RRM1: variants seen among roughly 807,000 people sequenced by gnomAD.
RRM1 encodes ribonucleoside-diphosphate reductase large subunit.
Under a neutral mutation model 101.5 loss-of-function variants are expected in RRM1, and 19 were observed. The ratio of observed to expected loss-of-function variants is 0.19; its 90% CI spans 0.13 to 0.27. RRM1 has a LOEUF of 0.27. Ranked by LOEUF, RRM1 falls within the 10% of genes least tolerant of loss-of-function variation. The pLI is 1.00. For synonymous variants in RRM1, 298 were observed against 323.4 expected, an observed-to-expected ratio of 0.92 and a Z score of 0.84; for missense variants, 500 against 962.9, an observed-to-expected ratio of 0.52 and a Z score of 6.36.
At position 4,130,086 on chromosome 11, in the gene RRM1, A is replaced by ATATT. The variant is rs1202870487; in HGVS notation, c.1769+937_1769+938insATTT. 2.6e-4 allele frequency among the ~76,000 whole-genome samples: 26 copies of ATATT among 99,448 alleles called. 1 individual carries two copies. Among genetic ancestry groups the ATATT allele is most frequent in the African/African-American group, 1.4e-3 (26 of 18,646 alleles). The allele number at this position is 99,448 out of a possible 152,430, so 65.2% of individuals were successfully genotyped here. ...TGTATTTATATATATATATATATATATTTTTTTTTTTTTTTTTTCCCCTCA... is the reference window on the plus strand; with the variant it reads ...TGTATTTATATATATATATATATATATATTTTTTTTTTTTTTTTTTTTCCCCTCA... On this transcript the variant is annotated intron_variant, in intron 15 of 18. Coordinates refer to ENST00000300738, the MANE Select transcript of RRM1 (RefSeq NM_001033.5).
chr11:4,100,477 A>G (rs1458022311), intron 1 of RRM1, among the ~76,000 whole-genome samples: 2 of 152,212 alleles, frequency 1.3e-5, no homozygotes, highest in African/African-American at 4.8e-5. Flanking sequence ...TGGTCCAAGG[A>G]ACATTTTCTT....
intron 10 of RRM1, 56 bp from the exon 11 acceptor site, chr11:4,122,085 G>A: frequency 7.6e-7 from 1 of 1,317,944 alleles, no homozygotes; most frequent in Non-Finnish European, 1.1e-6. Context: ...GTTTCTAATG[G>A]ATTATGGTTG....
Position 4,111,665 on chromosome 11 carries a change from T to C in RRM1, c.487+25T>C, listed in dbSNP as rs775832822. On this transcript the variant is annotated intron_variant, in intron 6 of 18. Transcript: ENST00000300738. ...GGTGAGAAATGAACATGTTTGTCTG[T>C]TACATTTTCTACTCATTATATTGAA... 1.9e-6 allele frequency: 3 copies of C among 1,569,522 alleles called. No individual in the cohort carries two copies. The South Asian group carries it at 3.4e-5, about 18-fold the overall frequency.
chr11:4,098,215 G>A (rs2094546232), intron 1 of RRM1, among the ~76,000 whole-genome samples: 1 of 152,172 alleles, frequency 6.6e-6, no homozygotes, highest in Non-Finnish European at 1.5e-5. Flanking sequence ...TAATGTCTTT[G>A]AAAGCATCCA....
intron 10 of RRM1, 122 bp from the exon 11 acceptor site, chr11:4,122,019 T>C: frequency 1.2e-6 from 1 of 804,092 alleles, no homozygotes; most frequent in Non-Finnish European, 2.0e-6. Flanking sequence ...CTGAAAATGA[T>C]TATTTCTACA....
Position 4,094,925 on chromosome 11 carries a change from T to G in RRM1, c.-88T>G. The G allele has an allele frequency of 7.1e-7, 1 of 1,417,454 alleles. No individual in the cohort carries two copies. The highest frequency in any genetic ancestry group is 1.2e-5 in the South Asian group (1 of 81,472). 87.8% of individuals were successfully genotyped at this position (1,417,454 alleles called of 1,614,324 possible). On this transcript the variant is annotated 5_prime_UTR_variant, in exon 1 of 19. Transcript: ENST00000300738. The stretch of plus-strand genomic sequence containing the variant: ...CTGAGCAGCGCCTGGAACCTAACCC[T>G]TCCCACTCTGTCACCTTCTCGATCC...
In RRM1 at chr11:4,103,781, A is replaced by ATTT. The variant is rs36062278; in HGVS notation, c.108+1717_108+1719dup. Among the ~76,000 whole-genome samples the ATTT allele has an allele frequency of 2.8e-4, 32 of 115,246 alleles. 2 individuals carry two copies. Among genetic ancestry groups the ATTT allele is most frequent in the Admixed American group, 5.6e-4 (6 of 10,680 alleles). The allele number at this position is 115,246 out of a possible 152,430, so 75.6% of individuals were successfully genotyped here. ...GATTACAGGCATGTGCCACCACGCT[A>ATTT]TTTTTTTTTTTTTTTTTTTGTATTT... On this transcript the variant is annotated intron_variant, in intron 2 of 18. Transcript: ENST00000300738.
chr11:4,103,827 C>G (rs1487134404), intron 2 of RRM1, among the ~76,000 whole-genome samples: 2 of 120,044 alleles, frequency 1.7e-5, no homozygotes, highest in Admixed American at 1.0e-4. Flanking sequence ...CAGGGTTTTG[C>G]TATGTTGGCC....
chr11:4,129,607 A>G (rs1188408387), intron 15 of RRM1, among the ~76,000 whole-genome samples: 1 of 39,370 alleles, frequency 2.5e-5, no homozygotes, highest in Admixed American at 2.3e-4. Flanking sequence ...TGTTTAGACT[A>G]TATGAAAAAA....
rs1390039194 is a variant in RRM1, at chr11:4,135,147, A to G, written c.2067A>G (p.Lys689=). The G allele has an allele frequency of 6.2e-7, 1 of 1,613,786 alleles. No homozygotes were observed. The highest frequency in any genetic ancestry group is 1.3e-5 in the African/African-American group (1 of 75,042). Residue 689 remains lysine (K), a synonymous_variant, in exon 18 of 19, where the codon AAA becomes AAG. Transcript: ENST00000300738. ...LYKTVWEISQ[K]TVLKMAAERG... ...AAACTGTGTGGGAAATCTCTCAGAA[A>G]ACTGTTCTCAAGATGGCAGCTGAGA...
intron 1 of RRM1, among the ~76,000 whole-genome samples, chr11:4,096,103 G>C (rs535939882): frequency 6.6e-6 from 1 of 152,304 alleles, no homozygotes; most frequent in South Asian, 2.1e-4. Flanking sequence ...ATAGCTTACT[G>C]TAACCTTGAA....
At chr11:4,107,327 T>C (rs1348631870) in intron 3 of RRM1, 108 bp from the exon 4 acceptor site, 99 of 727,130 alleles carry the variant, frequency 1.4e-4, no homozygotes, top group Non-Finnish European at 1.6e-4. Flanking sequence ...TTGAGGTGGG[T>C]TGAGATGACA....
intron 18 of RRM1, 62 bp downstream of exon 18, chr11:4,135,332 ATTTTATG>A (rs2094607572): frequency 7.5e-7 from 1 of 1,333,834 alleles, no homozygotes; most frequent in African/African-American, 1.5e-5. Context: ...CATTGGAATG[ATTTTATG>A]TTTTAGCCAC....
In RRM1 at chr11:4,123,292, T is replaced by G; in HGVS notation, c.1228T>G (p.Ser410Ala). Reference protein sequence around the residue: ...TGTPYMLYKDSCNRKSNQQNL... With the variant: ...TGTPYMLYKDACNRKSNQQNL... ...CACCCCGTATATGCTCTACAAAGAT[T>G]CCTGTAATCGAAAGAGCAACCAGCA... The change falls in exon 12 of 19, where the codon TCC becomes GCC. Residue 410 changes from serine to alanine, a missense_variant. Transcript: ENST00000300738. The G allele has an allele frequency of 6.2e-7, 1 of 1,614,050 alleles. No individual in the cohort carries two copies. The highest frequency in any genetic ancestry group is 8.5e-7 in the Non-Finnish European group (1 of 1,179,964).
chr11:4,121,499 A>T, intron 9 of RRM1, 105 bp from the exon 10 acceptor site: 1 of 648,832 alleles, frequency 1.5e-6, no homozygotes, highest in South Asian at 3.6e-5. Flanking sequence ...TATTTAATTC[A>T]TTGTAGTGAA....
chr11:4,132,346 C>T lies in RRM1; in HGVS notation c.1830C>T (p.Ile610=), dbSNP rs2094601914. The T allele has an allele frequency of 6.2e-7, 1 of 1,613,990 alleles. No homozygotes were observed. The highest frequency in any genetic ancestry group is 1.7e-5 in the Admixed American group (1 of 60,000). ...TGCCTACAGCTTCCACTGCTCAGAT[C>T]CTGGGGAATAATGAGTCCATTGAAC... The part of the protein sequence containing the change: ...APMPTASTAQ[I]LGNNESIEPY... Residue 610 remains isoleucine, a synonymous_variant, in exon 16 of 19, where the codon ATC becomes ATT. Coordinates refer to ENST00000300738, the MANE Select transcript of RRM1 (RefSeq NM_001033.5). This position sits in a 1 kb window ranked among gnomAD's most constrained non-coding sequence, Gnocchi z 4.1.
intron 12 of RRM1, among the ~76,000 whole-genome samples, chr11:4,125,331 T>C (rs1356603677): frequency 1.3e-5 from 2 of 152,258 alleles, no homozygotes; most frequent in South Asian, 4.1e-4. Flanking sequence ...TCTAGATTTG[T>C]GGACATTGTG....
At chr11:4,116,498 A>T (rs981880029) in intron 7 of RRM1, 9 of 151,700 alleles carry the variant, frequency 5.9e-5, no homozygotes, top group Non-Finnish European at 1.0e-4. Context: ...AAGCTGAGGC[A>T]TGAGAATCAT....
intron 17 of RRM1, 85 bp from the exon 18 acceptor site, chr11:4,134,997 G>A (rs2094606632): frequency 9.9e-7 from 1 of 1,013,766 alleles, no homozygotes; most frequent in East Asian, 2.4e-5. Flanking sequence ...GTAAAATGAA[G>A]ATCAAAGCTT....
Sources: gnomAD v4.1 joint callset for allele counts (sites outside exome capture counted in the v4.1 genomes callset) on GRCh38, gnomAD v4.1.1 for gene constraint, Gnocchi (gnomAD v3.1) non-coding constraint, MANE v1.5 for transcripts, NCBI Gene and HGNC (gene_info 2026-07-23, HGNC 2026-07-21) for gene names.